The following ZFP14 variants were observed in gnomAD, a reference collection of about 807,000 sequenced individuals.
ZFP14 encodes the protein ZFP14 zinc finger protein.
ZFP14 carries 22 observed loss-of-function variants against 54.5 expected under a neutral mutation model. That is an observed-to-expected ratio of 0.40 (90% CI 0.29 to 0.58). The LOEUF (loss-of-function observed/expected upper bound fraction) is 0.58, where lower values mean the gene tolerates loss of function less well. Among genes scored for constraint, ZFP14 ranks in the 20% least tolerant of loss-of-function variants. The probability of loss-of-function intolerance (pLI) is 0.39; values close to 1 mark genes in which losing one functional copy is unlikely to be tolerated. For missense variants in ZFP14, 470 were observed against 637.8 expected, an observed-to-expected ratio of 0.74 and a Z score of 2.83; for synonymous variants, 159 against 204.0, an observed-to-expected ratio of 0.78 and a Z score of 1.88.
chr19:36,367,850 G>A (rs2031818947), intron 2 of ZFP14, 34 bp downstream of exon 2: 1 of 1,606,250 alleles, frequency 6.2e-7, no homozygotes. Context: ...GAAATTGACA[G>A]TATTTCGAAA....
intron 2 of ZFP14, chr19:36,362,930 G>A (rs1277233599): frequency 2.5e-5 from 5 of 199,606 alleles, no homozygotes; most frequent in South Asian, 2.5e-4. Context: ...TCAAAAATTC[G>A]TTCGATGGCA....
chr19:36,339,470 A>G lies in ZFP14; in HGVS notation c.*754T>C, dbSNP rs1017547229. On this transcript the variant is annotated 3_prime_UTR_variant, in exon 5 of 5. Transcript: ENST00000270001. ...ACTTCTACCAGTAGAAGGTGAGGGA[A>G]TGTTACTTCCATGATTAGATTACAC... 2 of 152,092 alleles carry G rather than the reference A, an allele frequency of 1.3e-5. No individual in the cohort carries two copies. Among genetic ancestry groups the G allele is most frequent in the Admixed American group, 1.3e-4 (2 of 15,274 alleles). 9.4% of individuals were successfully genotyped at this position (152,092 alleles called of 1,614,324 possible). A position where few individuals can be genotyped will look rare whatever the true frequency, so the allele number is the denominator to read the frequency against.
intron 2 of ZFP14, 131 bp from the exon 3 acceptor site, chr19:36,362,369 G>T (rs897509331): frequency 1.1e-6 from 1 of 912,130 alleles, no homozygotes; most frequent in Non-Finnish European, 1.6e-6. Flanking sequence ...CTGAAAACTT[G>T]TGACATGAGT....
At chr19:36,362,661 C>T (rs1376220348) in intron 2 of ZFP14, among the ~76,000 whole-genome samples, 2 of 151,912 alleles carry the variant, frequency 1.3e-5, no homozygotes, top group African/African-American at 4.8e-5. Context: ...ATCATTTGAG[C>T]CCGTAAGTTC....
intron 4 of ZFP14, 30 bp downstream of exon 4, chr19:36,360,405 T>C (rs1337898065): frequency 8.8e-6 from 14 of 1,598,694 alleles, no homozygotes; most frequent in Non-Finnish European, 9.4e-6. Context: ...GCAGTAGTGA[T>C]TTCTCAATGC....
intron 4 of ZFP14, among the ~76,000 whole-genome samples, chr19:36,347,928 C>A (rs745801856): frequency 1.3e-5 from 2 of 151,752 alleles, no homozygotes; most frequent in Non-Finnish European, 2.9e-5. Context: ...TGTGGTGGCA[C>A]GTGCCTGTAA....
intron 4 of ZFP14, among the ~76,000 whole-genome samples, chr19:36,358,738 T>C (rs986311388): frequency 6.6e-6 from 1 of 152,188 alleles, no homozygotes; most frequent in Non-Finnish European, 1.5e-5. Context: ...ATGAAGATGA[T>C]TGCTATGGTT....
rs1162177808 is a variant in ZFP14, at chr19:36,334,531, T to C, written c.*5693A>G. On this transcript the variant is annotated 3_prime_UTR_variant, in exon 5 of 5. Coordinates refer to ENST00000270001, the MANE Select transcript of ZFP14 (RefSeq NM_020917.3). ...CATTGTTTAATATAATATATAAGCA[T>C]GTTTAACACAAACATATCAAGGATC... The C allele has an allele frequency of 1.3e-5, 2 of 152,242 alleles. No individual in the cohort carries two copies. Among genetic ancestry groups the C allele is most frequent in the African/African-American group, 4.8e-5 (2 of 41,464 alleles). The allele number at this position is 152,242 out of a possible 1,614,324, so 9.4% of individuals were successfully genotyped here. A position where few individuals can be genotyped will look rare whatever the true frequency, so the allele number is the denominator to read the frequency against.
intron 4 of ZFP14, among the ~76,000 whole-genome samples, chr19:36,357,580 C>T (rs957958196): frequency 6.6e-6 from 1 of 152,154 alleles, no homozygotes. Flanking sequence ...CCTTTCTTCT[C>T]CCCATTGGAA....
chr19:36,343,396 G>GC (rs1194262666), intron 4 of ZFP14, among the ~76,000 whole-genome samples: 1 of 151,320 alleles, frequency 6.6e-6, no homozygotes, highest in Non-Finnish European at 1.5e-5. Flanking sequence ...CGCACAAAAT[G>GC]CCCCACAACT....
intron 2 of ZFP14, among the ~76,000 whole-genome samples, chr19:36,362,613 G>C (rs555756789): frequency 1.3e-5 from 2 of 152,080 alleles, no homozygotes; most frequent in African/African-American, 2.4e-5. Flanking sequence ...GTGGCTCATG[G>C]CTATAATACC....
chr19:36,377,859 A>AAAAAC (rs888366879), intron 1 of ZFP14, among the ~76,000 whole-genome samples: 13 of 152,228 alleles, frequency 8.5e-5, no homozygotes, highest in Non-Finnish European at 1.6e-4. Flanking sequence ...AAATACAAAA[A>AAAAAC]AAAACAAAAC....
chr19:36,363,557 T>C (rs1200387390), intron 2 of ZFP14, among the ~76,000 whole-genome samples: 1 of 152,098 alleles, frequency 6.6e-6, no homozygotes, highest in Admixed American at 6.6e-5. Flanking sequence ...CGGCCATATC[T>C]GGAGACAATT....
intron 1 of ZFP14, among the ~76,000 whole-genome samples, chr19:36,369,817 A>C (rs1159245328): frequency 1.3e-5 from 2 of 152,068 alleles, no homozygotes; most frequent in Non-Finnish European, 2.9e-5. Context: ...AAAGAGGAAT[A>C]ACTAACAGTA....
At chr19:36,355,589 G>A (rs1377845665) in intron 4 of ZFP14, among the ~76,000 whole-genome samples, 2 of 140,148 alleles carry the variant, frequency 1.4e-5, no homozygotes, top group African/African-American at 2.6e-5. Flanking sequence ...AGGCTGAGAC[G>A]GGAGGATTGC....
intron 4 of ZFP14, among the ~76,000 whole-genome samples, chr19:36,342,276 G>C (rs1169433648): frequency 6.7e-6 from 1 of 148,222 alleles, no homozygotes; most frequent in Non-Finnish European, 1.5e-5. Flanking sequence ...TGCCTCCTGG[G>C]TTCAAGCAAT....
At chr19:36,363,744 C>T (rs1372653270) in intron 2 of ZFP14, among the ~76,000 whole-genome samples, 2 of 151,964 alleles carry the variant, frequency 1.3e-5, no homozygotes, top group South Asian at 4.1e-4. Flanking sequence ...AATCCCAGCA[C>T]TTTGGGAGGC....
chr19:36,354,074 CAAAA>C (rs34807802), intron 4 of ZFP14, among the ~76,000 whole-genome samples: 1 of 85,826 alleles, frequency 1.2e-5, no homozygotes. Flanking sequence ...GACCCTGTCT[CAAAA>C]AAAAAAAAAA....
chr19:36,358,077 TATCTATCTATCTATC>T (rs1348805730), intron 4 of ZFP14, among the ~76,000 whole-genome samples: 3 of 145,278 alleles, frequency 2.1e-5, no homozygotes, highest in East Asian at 4.0e-4. Flanking sequence ...TCTATCTATC[TATCTATCTATCTATC>T]ATCTATCTAT....
Sources: allele counts gnomAD v4.1 joint callset (sites outside exome capture counted in the v4.1 genomes callset), GRCh38; gene constraint gnomAD v4.1.1; transcripts MANE v1.5; gene names NCBI Gene and HGNC (gene_info 2026-07-23, HGNC 2026-07-21).